Variants in ASIC2 observed in about 807,000 individuals in gnomAD.
ASIC2 encodes acid sensing ion channel subunit 2.
In ASIC2, 25 loss-of-function variants were observed where a neutral mutation model predicts 57.3. The observed-to-expected ratio is 0.44, with a 90% CI of 0.32 to 0.61. The LOEUF (loss-of-function observed/expected upper bound fraction) is 0.61, where lower values mean the gene tolerates loss of function less well. Among genes scored for constraint, ASIC2 ranks in the 20% least tolerant of loss-of-function variants. The probability of loss-of-function intolerance (pLI) is 0.06; values close to 1 mark genes in which losing one functional copy is unlikely to be tolerated. For synonymous variants in ASIC2, 319 were observed against 307.5 expected (o/e 1.04, Z -0.39); for missense variants, 641 against 738.1 (o/e 0.87, Z 1.52).
chr17:33,580,551 C>G (rs1429121225), intron 1 of ASIC2, among the ~76,000 whole-genome samples: 1 of 152,110 alleles, frequency 6.6e-6, no homozygotes, highest in East Asian at 1.9e-4. Context: ...CCAGGCTGCA[C>G]TCATGAGTGA....
chr17:33,800,452 G>A (rs889401874), intron 1 of ASIC2, among the ~76,000 whole-genome samples: 1 of 152,106 alleles, frequency 6.6e-6, no homozygotes, highest in Non-Finnish European at 1.5e-5. Flanking sequence ...GTTGCACAAA[G>A]AACAGACACT....
At chr17:33,091,068 T>C (rs1479161101) in intron 2 of ASIC2, among the ~76,000 whole-genome samples, 6 of 152,176 alleles carry the variant, frequency 3.9e-5, no homozygotes, top group African/African-American at 1.4e-4. Flanking sequence ...ATCTCTCCTA[T>C]TGATGGTGAA....
At chr17:33,662,655 AT>A (rs1309326366) in intron 1 of ASIC2, among the ~76,000 whole-genome samples, 266 of 145,888 alleles carry the variant, frequency 1.8e-3, no homozygotes, top group South Asian at 4.0e-3. Flanking sequence ...AAATAAATAA[AT>A]AAATAAATAA....
At chr17:33,279,266 C>T (rs1904841028) in intron 1 of ASIC2, among the ~76,000 whole-genome samples, 1 of 152,146 alleles carries the variant, frequency 6.6e-6, no homozygotes, top group Non-Finnish European at 1.5e-5. Context: ...AGATCTCAGG[C>T]ATCCTTCCAG....
At chr17:33,519,569 C>T (rs1914680521) in intron 1 of ASIC2, among the ~76,000 whole-genome samples, 2 of 152,170 alleles carry the variant, frequency 1.3e-5, no homozygotes, top group African/African-American at 4.8e-5. Context: ...GTCCAGGAGT[C>T]TCCATGTTAA....
intron 1 of ASIC2, among the ~76,000 whole-genome samples, chr17:33,488,004 C>A (rs984481479): frequency 3.9e-5 from 6 of 152,208 alleles, no homozygotes; most frequent in African/African-American, 1.4e-4. Flanking sequence ...TATTACGGGA[C>A]TTTACCTTGT....
chr17:33,721,347 G>C (rs907461720), intron 1 of ASIC2, among the ~76,000 whole-genome samples: 1 of 152,184 alleles, frequency 6.6e-6, no homozygotes, highest in Non-Finnish European at 1.5e-5. Context: ...CCATTTGAAG[G>C]CATGACCATC....
chr17:33,519,053 C>G (rs1175928102), intron 1 of ASIC2, among the ~76,000 whole-genome samples: 4 of 152,106 alleles, frequency 2.6e-5, no homozygotes, highest in Non-Finnish European at 5.9e-5. Flanking sequence ...ATCTCCTGAC[C>G]TCGTGATCCG....
chr17:33,175,507 A>G (rs796628030), intron 1 of ASIC2, among the ~76,000 whole-genome samples: 3 of 139,058 alleles, frequency 2.2e-5, no homozygotes, highest in African/African-American at 7.9e-5. Flanking sequence ...AAAAGGATTC[A>G]CAAATAAGAA....
chr17:33,873,210 T>G (rs957861104), intron 1 of ASIC2, among the ~76,000 whole-genome samples: 1 of 152,198 alleles, frequency 6.6e-6, no homozygotes, highest in Non-Finnish European at 1.5e-5. Context: ...GTCAAAATCT[T>G]TCTCCCAAGA....
intron 1 of ASIC2, among the ~76,000 whole-genome samples, chr17:33,620,258 A>C (rs550286038): frequency 1.4e-3 from 210 of 151,954 alleles, no homozygotes; most frequent in Non-Finnish European, 2.1e-3. Flanking sequence ...AAAAAAAAAA[A>C]AAACACGTCC....
intron 1 of ASIC2, among the ~76,000 whole-genome samples, chr17:34,042,296 T>C (rs1908166472): frequency 6.6e-6 from 1 of 152,130 alleles, no homozygotes; most frequent in Non-Finnish European, 1.5e-5. Context: ...GCTTTATGTG[T>C]AATAACCCAC....
intron 1 of ASIC2, among the ~76,000 whole-genome samples, chr17:33,712,636 C>CTTTTTT (rs60673332): frequency 4.7e-5 from 3 of 63,590 alleles, no homozygotes; most frequent in Admixed American, 2.3e-4. Flanking sequence ...ACTCATATGG[C>CTTTTTT]TTTTTTTTTT....
At chr17:33,409,070 C>A (rs1464398439) in intron 1 of ASIC2, among the ~76,000 whole-genome samples, 1 of 152,084 alleles carries the variant, frequency 6.6e-6, no homozygotes, top group East Asian at 1.9e-4. Flanking sequence ...AAAAAATTAG[C>A]CAGAAGTGGT....
At chr17:33,919,936 C>T (rs1261599394) in intron 1 of ASIC2, among the ~76,000 whole-genome samples, 1 of 152,168 alleles carries the variant, frequency 6.6e-6, no homozygotes, top group Non-Finnish European at 1.5e-5. Flanking sequence ...ACATCACTAA[C>T]CATCAGAGAG....
intron 1 of ASIC2, among the ~76,000 whole-genome samples, chr17:33,939,088 T>A (rs1290204472): frequency 6.6e-6 from 1 of 152,222 alleles, no homozygotes; most frequent in African/African-American, 2.4e-5. Context: ...TGCCAGCCCA[T>A]TGTTGGGGCC....
chr17:34,017,167 T>C (rs972352256), intron 1 of ASIC2, among the ~76,000 whole-genome samples: 5 of 152,244 alleles, frequency 3.3e-5, no homozygotes, highest in African/African-American at 1.2e-4. Context: ...GTCTCACATT[T>C]TGGGAATTCT....
At chr17:33,576,105 T>C (rs1366618942) in intron 1 of ASIC2, among the ~76,000 whole-genome samples, 5 of 152,166 alleles carry the variant, frequency 3.3e-5, no homozygotes, top group Non-Finnish European at 5.9e-5. Flanking sequence ...ACCTTCTCTC[T>C]ACCTTTTCTT....
chr17:33,672,098 A>G (rs1213388092), intron 1 of ASIC2, among the ~76,000 whole-genome samples: 1 of 152,218 alleles, frequency 6.6e-6, no homozygotes, highest in Non-Finnish European at 1.5e-5. Flanking sequence ...AATGAAAAAT[A>G]AACCTCCCGG....
Sources: allele counts gnomAD v4.1 joint callset (sites outside exome capture counted in the v4.1 genomes callset), GRCh38; gene constraint gnomAD v4.1.1; transcripts MANE v1.5; gene names NCBI Gene and HGNC (gene_info 2026-07-23, HGNC 2026-07-21).